The following ZC3HAV1L variants were observed in gnomAD, a reference collection of about 807,000 sequenced individuals.
ZC3HAV1L encodes the protein zinc finger CCCH-type antiviral protein 1-like.
Under a neutral mutation model 28.2 loss-of-function variants are expected in ZC3HAV1L, and 23 were observed. The ratio of observed to expected loss-of-function variants is 0.82; its 90% CI spans 0.59 to 1.16. The LOEUF is 1.16. Among genes scored for constraint, ZC3HAV1L ranks in the 50% most tolerant of loss-of-function variants. The pLI is 0.00. For missense variants in ZC3HAV1L, 376 were observed against 387.7 expected (o/e 0.97, Z 0.25); for synonymous variants, 180 against 163.4 (o/e 1.10, Z -0.78).
chr7:139,027,784 T>C (rs1286245957), intron 3 of ZC3HAV1L, among the ~76,000 whole-genome samples: 3 of 152,230 alleles, frequency 2.0e-5, no homozygotes, highest in Non-Finnish European at 4.4e-5. Flanking sequence ...AAAGTAGAAA[T>C]TTAAGATATT....
Position 139,035,194 on chromosome 7 carries a change from G to T in ZC3HAV1L, c.365+459C>A, listed in dbSNP as rs189962075. The T allele has an allele frequency of 1.7e-4, 171 of 985,332 alleles. 1 individual carries two copies. In the African/African-American group the frequency reaches 2.7e-3, roughly 16 times the overall value. 61.0% of individuals were successfully genotyped at this position (985,332 alleles called of 1,614,324 possible). A position where few individuals can be genotyped will look rare whatever the true frequency, so the allele number is the denominator to read the frequency against. ...TTTCCTGGGGTGAGACTGGCTCAGC[G>T]CTGTTAAACCTAGAGGGCGCAGACC... On this transcript the variant is annotated intron_variant, in intron 1 of 4. Transcript: ENST00000275766.
intron 3 of ZC3HAV1L, among the ~76,000 whole-genome samples, chr7:139,027,887 TAG>T (rs1166157257): frequency 2.6e-5 from 4 of 152,188 alleles, no homozygotes; most frequent in African/African-American, 7.2e-5. Flanking sequence ...TATAGTAGAT[TAG>T]AGTGAGCAAA....
At chr7:139,027,550 T>C (rs1815391708) in intron 3 of ZC3HAV1L, among the ~76,000 whole-genome samples, 1 of 152,154 alleles carries the variant, frequency 6.6e-6, no homozygotes, top group African/African-American at 2.4e-5. Context: ...TGGTGGCATG[T>C]GCCTGCAGTC....
At chr7:139,032,896 T>C (rs527830561) in intron 2 of ZC3HAV1L, among the ~76,000 whole-genome samples, 8 of 152,114 alleles carry the variant, frequency 5.3e-5, no homozygotes, top group Non-Finnish European at 1.2e-4. Context: ...AAAAATTTGA[T>C]AGAATTCAAC....
intron 2 of ZC3HAV1L, among the ~76,000 whole-genome samples, chr7:139,032,147 T>C (rs1815553313): frequency 6.6e-6 from 1 of 152,084 alleles, no homozygotes; most frequent in Non-Finnish European, 1.5e-5. Context: ...CTTTAATTAG[T>C]ATGATAGTGG....
chr7:139,035,900 C>A lies in ZC3HAV1L; in HGVS notation c.118G>T (p.Val40Leu). ...VELSEARLRD[V>L]LQRAGPERFL... ...CGCTCGGGCCCGGCGCGCTGCAGCA[C>A]GTCCCGGAGCCTGGCCTCCGACAGC... The change falls in exon 1 of 5, where the codon GTG becomes TTG. Residue 40 changes from valine (V) to leucine (L), a missense_variant. Coordinates refer to ENST00000275766, the MANE Select transcript of ZC3HAV1L (RefSeq NM_080660.4). The A allele has an allele frequency of 2.0e-6, 3 of 1,512,754 alleles. No homozygotes were observed. The highest frequency in any genetic ancestry group is 2.7e-5 in the East Asian group (1 of 37,580). 93.7% of individuals were successfully genotyped at this position (1,512,754 alleles called of 1,614,324 possible).
At chr7:139,022,877 A>G (rs1206067314), downstream of ZC3HAV1L, among the ~76,000 whole-genome samples, 3 of 152,204 alleles carry the variant, frequency 2.0e-5, no homozygotes, top group Non-Finnish European at 1.5e-5. Flanking sequence ...TGGCACTTAT[A>G]AAAGAGGGAA....
chr7:139,029,532 C>T (rs145164082), intron 2 of ZC3HAV1L, among the ~76,000 whole-genome samples: 4 of 152,266 alleles, frequency 2.6e-5, no homozygotes, highest in African/African-American at 9.6e-5. Flanking sequence ...CCCTCTGTCC[C>T]CAAAGCCTGT....
At chr7:139,023,473 A>C (rs1459518073), downstream of ZC3HAV1L, among the ~76,000 whole-genome samples, 1 of 152,116 alleles carries the variant, frequency 6.6e-6, no homozygotes, top group Non-Finnish European at 1.5e-5. Flanking sequence ...CCCTTCTCCC[A>C]CTGCTCTTGC....
At position 139,035,672 on chromosome 7, in the gene ZC3HAV1L, A is replaced by C; in HGVS notation, c.346T>G (p.Cys116Gly). 1 of 1,467,426 alleles carries C rather than the reference A, an allele frequency of 6.8e-7. No individual in the cohort carries two copies. The allele number at this position is 1,467,426 out of a possible 1,614,324, so 90.9% of individuals were successfully genotyped here. The change falls in exon 1 of 5, where the codon TGC (cysteine) becomes GGC (glycine). Residue 116 changes from cysteine to glycine, a missense_variant. Physicochemically the swap from Cys to Gly is radical, Grantham distance 159. Coordinates refer to ENST00000275766, the MANE Select transcript of ZC3HAV1L (RefSeq NM_080660.4). ...TCTCACCAGCAGTCCCGGTTGGGGC[A>C]CTTGCCCAGCATGTGCCGGCGGCAG... ...HFCRRHMLGK[C>G]PNRDCWSTCT...
At position 139,026,277 on chromosome 7, in the gene ZC3HAV1L, G is replaced by A. The variant is rs542739746; in HGVS notation, c.*267C>T. On this transcript the variant is annotated 3_prime_UTR_variant, in exon 5 of 5. Coordinates refer to ENST00000275766, the MANE Select transcript of ZC3HAV1L (RefSeq NM_080660.4). ...AATATTAAGTGAAAAAAAAAAATGA[G>A]TGCAAAGTACTCTAGGATTGCCACA... The A allele has an allele frequency of 9.1e-5, 41 of 450,838 alleles. No individual in the cohort carries two copies. The highest frequency in any genetic ancestry group is 5.1e-4 in the East Asian group (14 of 27,626). 27.9% of individuals were successfully genotyped at this position (450,838 alleles called of 1,614,324 possible).
Position 139,034,658 on chromosome 7 carries a change from T to A in ZC3HAV1L, c.386A>T (p.His129Leu). 6.2e-7 allele frequency: 1 copy of A among 1,613,862 alleles called. No homozygotes were observed. Among genetic ancestry groups the A allele is most frequent in the Non-Finnish European group, 8.5e-7 (1 of 1,179,854 alleles). ...RDCWSTCTLS[H>L]DIHTPVNMQV... ...CATGTTGACAGGTGTGTGGATATCATGGGAAAGGGTACAGGTAGACCTAAA... is the reference window on the plus strand; with the variant it reads ...CATGTTGACAGGTGTGTGGATATCAAGGGAAAGGGTACAGGTAGACCTAAA... The change falls in exon 2 of 5, where the codon CAT becomes CTT. Residue 129 changes from histidine to leucine, a missense_variant. Transcript: ENST00000275766.
In ZC3HAV1L at chr7:139,028,914, T is replaced by C. The variant is rs145783750; in HGVS notation, c.548A>G (p.Asn183Ser). ...AAACTTGTTGCATTTATCCTTGAGG[T>C]TGCAGTAGCCATACAGGGCTTCCCC... is the stretch of plus-strand genomic sequence containing the variant. ...NKGEALYGYC[N>S]LKDKCNKFHV... The change falls in exon 3 of 5, where the codon AAC (asparagine) becomes AGC (serine). Residue 183 changes from asparagine (N) to serine (S), a missense_variant. Asn to Ser is a conservative substitution (Grantham distance 46). Coordinates refer to ENST00000275766, the MANE Select transcript of ZC3HAV1L (RefSeq NM_080660.4). The C allele has an allele frequency of 2.5e-6, 4 of 1,614,096 alleles. No homozygotes were observed. In the East Asian group the frequency reaches 6.7e-5, roughly 27 times the overall value.
rs116824302 is a variant in ZC3HAV1L at position 139,035,213 on chromosome 7, G to A, written c.365+440C>T. On this transcript the variant is annotated intron_variant, in intron 1 of 4. Coordinates refer to ENST00000275766, the MANE Select transcript of ZC3HAV1L (RefSeq NM_080660.4). ...CTCAGCGCTGTTAAACCTAGAGGGC[G>A]CAGACCCGCTTCTGCACAAGTGTGT... The A allele has an allele frequency of 1.1e-3, 1,127 of 985,428 alleles. 11 individuals carry two copies. In the African/African-American group the frequency reaches 0.018, roughly 16 times the overall value. The allele number at this position is 985,428 out of a possible 1,614,324, so 61.0% of individuals were successfully genotyped here.
chr7:139,029,444 C>A (rs1225693940), intron 2 of ZC3HAV1L, among the ~76,000 whole-genome samples: 1 of 152,170 alleles, frequency 6.6e-6, no homozygotes, highest in East Asian at 1.9e-4. Context: ...TGGTGCTAAC[C>A]ATACTCCCGC....
At chr7:139,023,117 G>C (rs891690427), downstream of ZC3HAV1L, among the ~76,000 whole-genome samples, 3 of 144,054 alleles carry the variant, frequency 2.1e-5, no homozygotes, top group Admixed American at 7.1e-5. Context: ...GGAGGTTGCA[G>C]TGAGCTGAGA....
chr7:139,022,067 T>C (rs192037951), downstream of ZC3HAV1L, among the ~76,000 whole-genome samples: 5 of 152,092 alleles, frequency 3.3e-5, no homozygotes, highest in East Asian at 9.7e-4. Context: ...GAACCAAGTA[T>C]AATGAAAAAA....
chr7:139,032,099 A>C (rs1172682939), intron 2 of ZC3HAV1L, among the ~76,000 whole-genome samples: 2 of 152,110 alleles, frequency 1.3e-5, no homozygotes, highest in African/African-American at 4.8e-5. Context: ...CCATGTCTCT[A>C]AAAGAGTAAA....
chr7:139,035,946 C>T lies in ZC3HAV1L; in HGVS notation c.72G>A (p.Lys24=). The change falls in exon 1 of 5, where the codon AAG becomes AAA. Residue 24 remains lysine, a synonymous_variant. Transcript: ENST00000275766. ...LCAHGGRMFL[K]DLRGHVELSE... is the part of the protein sequence containing the mutation. ...ACAGCTCCACGTGGCCGCGCAGGTC[C>T]TTCAGGAACATGCGGCCGCCGTGGG... The T allele has an allele frequency of 6.6e-7, 1 of 1,518,682 alleles. No homozygotes were observed. Among genetic ancestry groups the T allele is most frequent in the Non-Finnish European group, 8.8e-7 (1 of 1,141,180 alleles). The allele number at this position is 1,518,682 out of a possible 1,614,324, so 94.1% of individuals were successfully genotyped here.
Sources: allele counts gnomAD v4.1 joint callset (sites outside exome capture counted in the v4.1 genomes callset), GRCh38; gene constraint gnomAD v4.1.1; transcripts MANE v1.5; gene names NCBI Gene and HGNC (gene_info 2026-07-23, HGNC 2026-07-21).